FBXW11: variants seen among roughly 807,000 people sequenced by gnomAD.
The protein encoded by FBXW11 is F-box/WD repeat-containing protein 11.
Under a neutral mutation model 77.6 loss-of-function variants are expected in FBXW11, and 19 were observed. The observed-to-expected ratio is 0.24, with a 90% confidence interval of 0.17 to 0.36. The LOEUF is 0.36. FBXW11 is among the 10% of genes least tolerant of loss of function. FBXW11 has a pLI of 1.00. For missense variants in FBXW11, 334 were observed against 704.2 expected, an observed-to-expected ratio of 0.47 and a Z score of 5.95; for synonymous variants, 235 against 249.4, an observed-to-expected ratio of 0.94 and a Z score of 0.54.
chr5:171,969,847 G>A (rs760963621), intron 1 of FBXW11, among the ~76,000 whole-genome samples: 23 of 152,084 alleles, frequency 1.5e-4, no homozygotes, highest in South Asian at 4.1e-4. Flanking sequence ...GGGATTACAG[G>A]TGTGCACCAC....
At chr5:171,972,502 T>TAAA (rs70982360) in intron 1 of FBXW11, among the ~76,000 whole-genome samples, 2,943 of 48,170 alleles carry the variant, frequency 0.061, 483 homozygotes, top group African/African-American at 0.11. Context: ...CTCTGTCTCA[T>TAAA]AAAAAAAAAA....
chr5:171,889,470 G>A (rs551298952), intron 7 of FBXW11, among the ~76,000 whole-genome samples: 49 of 149,266 alleles, frequency 3.3e-4, no homozygotes, highest in Admixed American at 7.3e-4. Context: ...GGAGGTTGCA[G>A]TGAGCCGAGA....
intron 9 of FBXW11, among the ~76,000 whole-genome samples, chr5:171,875,250 TA>T (rs55689036): frequency 0.01 from 1,517 of 148,088 alleles, 26 homozygotes; most frequent in African/African-American, 0.037. Context: ...TCTGTACTTT[TA>T]AAAAAAAAAA....
intron 1 of FBXW11, among the ~76,000 whole-genome samples, chr5:172,003,985 A>C (rs1766572487): frequency 6.6e-6 from 1 of 152,248 alleles, no homozygotes; most frequent in Admixed American, 6.5e-5. Context: ...GACTCATAAA[A>C]ATCTAAAAAT....
At position 171,899,084 on chromosome 5, in the gene FBXW11, G is replaced by C; in HGVS notation, c.634C>G (p.Leu212Val). The C allele has an allele frequency of 6.3e-7, 1 of 1,597,360 alleles. No homozygotes were observed. The highest frequency in any genetic ancestry group is 8.5e-7 in the Non-Finnish European group (1 of 1,174,502). The stretch of plus-strand genomic sequence containing the variant: ...CCATCTGTGGGTCTGTTTTTAAACA[G>C]GTACTGATCCCTGGCAAATAAAAAC... ...LSERRGWDQY[L>V]FKNRPTDGPP... The change falls in exon 6 of 14, where the codon CTG (leucine) becomes GTG (valine). Residue 212 changes from leucine to valine, a missense_variant. This residue lies in a region of FBXW11 where 19 missense variants were observed against 16.0 expected (regional missense o/e 1.19). Coordinates refer to ENST00000517395, the MANE Select transcript of FBXW11 (RefSeq NM_001378974.1).
chr5:171,963,186 TACAC>T (rs56222437), intron 1 of FBXW11, among the ~76,000 whole-genome samples: 32 of 150,612 alleles, frequency 2.1e-4, no homozygotes, highest in Admixed American at 5.9e-4. Context: ...TAAATACACA[TACAC>T]ACACACACAC....
At chr5:171,964,662 T>C (rs960249340) in intron 1 of FBXW11, among the ~76,000 whole-genome samples, 2 of 152,242 alleles carry the variant, frequency 1.3e-5, no homozygotes, top group Non-Finnish European at 2.9e-5. Context: ...ACTATTAATG[T>C]CTGATGGCAA....
chr5:171,872,360 A>C (rs1004111140), intron 10 of FBXW11, among the ~76,000 whole-genome samples: 6 of 152,228 alleles, frequency 3.9e-5, no homozygotes, highest in African/African-American at 1.4e-4. Context: ...GCATGGGATA[A>C]TGAAGTAGAT....
At chr5:171,933,501 G>A (rs1265068989) in intron 2 of FBXW11, among the ~76,000 whole-genome samples, 3 of 152,110 alleles carry the variant, frequency 2.0e-5, no homozygotes, top group Non-Finnish European at 2.9e-5. Flanking sequence ...TATGGACTTC[G>A]GGTGATAATG....
chr5:171,920,980 C>A lies in FBXW11; in HGVS notation c.148-6575G>T, dbSNP rs559637874. ...GCATCATCATTCTAAAACAAACAAA[C>A]AAAAAAATCCCACAATATTGTGACT... is the stretch of plus-strand genomic sequence containing the variant. On this transcript the variant is annotated intron_variant, in intron 2 of 13. Coordinates refer to ENST00000517395, the MANE Select transcript of FBXW11 (RefSeq NM_001378974.1). Among the ~76,000 whole-genome samples, 535 of 152,038 alleles carry A rather than the reference C, an allele frequency of 3.5e-3. 2 individuals carry two copies. The highest frequency in any genetic ancestry group is 0.012 in the African/African-American group (512 of 41,494).
At chr5:171,995,811 T>C (rs1766014330) in intron 1 of FBXW11, among the ~76,000 whole-genome samples, 1 of 152,158 alleles carries the variant, frequency 6.6e-6, no homozygotes, top group African/African-American at 2.4e-5. Flanking sequence ...ACCCACCATG[T>C]GTTCTTTGAG....
At chr5:171,866,811 T>A (rs889345075) in intron 13 of FBXW11, among the ~76,000 whole-genome samples, 2 of 152,202 alleles carry the variant, frequency 1.3e-5, no homozygotes, top group African/African-American at 4.8e-5. Context: ...CCTTCCTCTG[T>A]AATTCCTATT....
chr5:171,994,704 T>TACCACC (rs368238674), intron 1 of FBXW11, among the ~76,000 whole-genome samples: 3 of 151,878 alleles, frequency 2.0e-5, no homozygotes, highest in East Asian at 1.9e-4. Flanking sequence ...GTACCATTAC[T>TACCACC]ACCACCACCA....
chr5:171,969,192 C>CA (rs1250439484), intron 1 of FBXW11, among the ~76,000 whole-genome samples: 1 of 152,180 alleles, frequency 6.6e-6, no homozygotes, highest in African/African-American at 2.4e-5. Flanking sequence ...CATGTGAACC[C>CA]AGGAGGCAGA....
At chr5:171,977,186 A>C (rs1764877342) in intron 1 of FBXW11, among the ~76,000 whole-genome samples, 2 of 151,958 alleles carry the variant, frequency 1.3e-5, no homozygotes, top group Non-Finnish European at 2.9e-5. Context: ...CAGAAAATTT[A>C]AAAATTAGTC....
intron 6 of FBXW11, among the ~76,000 whole-genome samples, chr5:171,898,534 A>G (rs965300445): frequency 6.6e-6 from 1 of 152,222 alleles, no homozygotes; most frequent in African/African-American, 2.4e-5. Context: ...CCAGGAGCAT[A>G]ATTTGCCCTA....
At chr5:171,978,879 A>G (rs2113475733) in intron 1 of FBXW11, among the ~76,000 whole-genome samples, 1 of 152,340 alleles carries the variant, frequency 6.6e-6, no homozygotes, top group East Asian at 1.9e-4. Flanking sequence ...CATTAGAAAA[A>G]TACATCCAAT....
intron 7 of FBXW11, among the ~76,000 whole-genome samples, chr5:171,882,478 A>AT (rs1267964678): frequency 2.0e-5 from 3 of 151,860 alleles, no homozygotes; most frequent in Non-Finnish European, 4.4e-5. Flanking sequence ...ATGTTTTTTA[A>AT]TTTTTTTGTA....
chr5:171,994,021 G>C (rs1765894629), intron 1 of FBXW11, among the ~76,000 whole-genome samples: 1 of 152,204 alleles, frequency 6.6e-6, no homozygotes, highest in Non-Finnish European at 1.5e-5. Flanking sequence ...TTAGGAAACA[G>C]CCTGACAGCC....
Sources: allele counts gnomAD v4.1 joint callset (sites outside exome capture counted in the v4.1 genomes callset), GRCh38; gene constraint gnomAD v4.1.1; regional missense constraint gnomAD v4.1.1; transcripts MANE v1.5; gene names NCBI Gene and HGNC (gene_info 2026-07-23, HGNC 2026-07-21).